The following AKT3 variants were observed in gnomAD, a reference collection of about 807,000 sequenced individuals.
The protein encoded by AKT3 is RAC-gamma serine/threonine-protein kinase.
A neutral mutation model predicts 65.3 loss-of-function variants in AKT3; 15 were observed. The ratio of observed to expected loss-of-function variants is 0.23; its 90% CI spans 0.15 to 0.35. AKT3 has a LOEUF of 0.35. AKT3 is among the 10% of genes least tolerant of loss of function. The pLI, the probability that AKT3 is intolerant of heterozygous loss-of-function variation, is 1.00. For synonymous variants in AKT3, 206 were observed against 183.8 expected, an observed-to-expected ratio of 1.12 and a Z score of -0.98; for missense variants, 243 against 576.5, an observed-to-expected ratio of 0.42 and a Z score of 5.92.
chr1:243,532,543 C>T (rs1451090353), intron 12 of AKT3, among the ~76,000 whole-genome samples: 3 of 152,116 alleles, frequency 2.0e-5, no homozygotes, highest in Non-Finnish European at 2.9e-5. Flanking sequence ...AATTATACTG[C>T]TGAATGGTTT....
intron 4 of AKT3, 116 bp from the exon 5 acceptor site, chr1:243,646,153 C>A: frequency 1.2e-6 from 1 of 860,456 alleles, no homozygotes. Flanking sequence ...CAAACACACT[C>A]AACACAGATA....
In AKT3 at chr1:243,649,378, G is replaced by GTA. The variant is rs1177166699; in HGVS notation, c.285-3343_285-3342dup. Among the ~76,000 whole-genome samples the GTA allele has an allele frequency of 9.8e-3, 1,466 of 149,562 alleles. 23 individuals carry two copies. The highest frequency in any genetic ancestry group is 0.035 in the African/African-American group (1,392 of 40,286). ...GTGTGTATGTTGGGTGTGTGTGTGTGTATATATATATGTTATGTGTATATA... is the reference window on the plus strand; with the variant it reads ...GTGTGTATGTTGGGTGTGTGTGTGTGTATATATATATATGTTATGTGTATATA... On this transcript the variant is annotated intron_variant, in intron 4 of 13. Transcript: ENST00000673466.
chr1:243,723,072 T>C (rs1291950283), intron 2 of AKT3, among the ~76,000 whole-genome samples: 1 of 152,144 alleles, frequency 6.6e-6, no homozygotes, highest in Non-Finnish European at 1.5e-5. Flanking sequence ...TAAACATTTT[T>C]CCCAGCTCAC....
At chr1:243,621,932 C>T (rs1243522236) in intron 6 of AKT3, among the ~76,000 whole-genome samples, 1 of 152,178 alleles carries the variant, frequency 6.6e-6, no homozygotes, top group Non-Finnish European at 1.5e-5. Context: ...GTACAAGCCA[C>T]TATCATCAAT....
chr1:243,536,731 A>G lies in AKT3; in HGVS notation c.1251+8779T>C, dbSNP rs181382555. Among the ~76,000 whole-genome samples the G allele has an allele frequency of 4.4e-4, 67 of 152,278 alleles. 2 individuals are homozygous for G. In the East Asian group the frequency reaches 0.013, roughly 29 times the overall value. On this transcript the variant is annotated intron_variant, in intron 12 of 13. Coordinates refer to ENST00000673466, the MANE Select transcript of AKT3 (RefSeq NM_005465.7). ...TGCCAGAAATAACACTGGTTTTGAC[A>G]GCTGTTTGTGTTTTTATATCCTAAG...
intron 8 of AKT3, among the ~76,000 whole-genome samples, chr1:243,588,064 CATT>C (rs761616022): frequency 7.2e-5 from 11 of 152,160 alleles, no homozygotes; most frequent in Non-Finnish European, 1.6e-4. Context: ...CTTTCTGACA[CATT>C]ATTGAGGAAG....
intron 2 of AKT3, among the ~76,000 whole-genome samples, chr1:243,710,036 A>G (rs1572209115): frequency 6.6e-6 from 1 of 152,168 alleles, no homozygotes; most frequent in African/African-American, 2.4e-5. Context: ...ATTTAGCAAG[A>G]TGCCTTAAAC....
chr1:243,632,612 A>G (rs1679689383), intron 6 of AKT3, among the ~76,000 whole-genome samples: 1 of 152,194 alleles, frequency 6.6e-6, no homozygotes, highest in African/African-American at 2.4e-5. Context: ...TGAGAGAGTC[A>G]ATCTGCCCTT....
intron 2 of AKT3, among the ~76,000 whole-genome samples, chr1:243,778,640 C>G (rs1690708233): frequency 6.6e-6 from 1 of 152,050 alleles, no homozygotes; most frequent in South Asian, 2.1e-4. Flanking sequence ...TGTGTCAAAA[C>G]TAGGTTTAAG....
chr1:243,548,209 A>G (rs1672809372), intron 11 of AKT3: 1 of 152,216 alleles, frequency 6.6e-6, no homozygotes, highest in Non-Finnish European at 1.5e-5. Context: ...TCAAAGCTCC[A>G]TGGCATTTTC....
chr1:243,566,921 A>G (rs570945288), intron 9 of AKT3, among the ~76,000 whole-genome samples: 2 of 152,336 alleles, frequency 1.3e-5, no homozygotes, highest in South Asian at 4.1e-4. Context: ...AACCCCATAA[A>G]ACATTTCTGT....
chr1:243,709,198 T>C (rs1328384880), intron 2 of AKT3, among the ~76,000 whole-genome samples: 1 of 150,496 alleles, frequency 6.6e-6, no homozygotes, highest in Non-Finnish European at 1.5e-5. Flanking sequence ...TATGTCAGAG[T>C]TTTACATACA....
intron 2 of AKT3, among the ~76,000 whole-genome samples, chr1:243,706,977 G>C (rs1685842947): frequency 6.6e-6 from 1 of 152,198 alleles, no homozygotes; most frequent in South Asian, 2.1e-4. Context: ...CTAGCTGTGT[G>C]AGAGACAGTG....
intron 5 of AKT3, among the ~76,000 whole-genome samples, chr1:243,641,106 G>A (rs1680352030): frequency 1.3e-5 from 2 of 151,984 alleles, no homozygotes; most frequent in Admixed American, 1.3e-4. Flanking sequence ...CTGCTGTGCT[G>A]GAGGCTTCCT....
At position 243,583,125 on chromosome 1, in the gene AKT3, T is replaced by C. The variant is rs141090955; in HGVS notation, c.697-10077A>G. Reference sequence around the variant, plus strand: ...ATCTCTCTCTCTCTTCCAGTATGTATATATATTCCATATATATATCTCTCT... The same window carrying C: ...ATCTCTCTCTCTCTTCCAGTATGTACATATATTCCATATATATATCTCTCT... On this transcript the variant is annotated intron_variant, in intron 8 of 13. Coordinates refer to ENST00000673466, the MANE Select transcript of AKT3 (RefSeq NM_005465.7). Among the ~76,000 whole-genome samples the C allele has an allele frequency of 4.7e-3, 698 of 148,296 alleles. 15 individuals are homozygous for C. The highest frequency in any genetic ancestry group is 0.016 in the African/African-American group (664 of 40,318).
At chr1:243,533,429 T>C (rs1179492248) in intron 12 of AKT3, among the ~76,000 whole-genome samples, 1 of 152,208 alleles carries the variant, frequency 6.6e-6, no homozygotes, top group Non-Finnish European at 1.5e-5. Context: ...ATTTATAGAA[T>C]ATTCTACACA....
chr1:243,662,403 G>C (rs1390413963), intron 4 of AKT3, among the ~76,000 whole-genome samples: 1 of 152,040 alleles, frequency 6.6e-6, no homozygotes, highest in African/African-American at 2.4e-5. Flanking sequence ...CATGTCCTTT[G>C]TAGGGACATG....
At chr1:243,829,661 AT>A (rs1379062521) in intron 2 of AKT3, among the ~76,000 whole-genome samples, 32 of 152,216 alleles carry the variant, frequency 2.1e-4, no homozygotes, top group African/African-American at 7.7e-4. Flanking sequence ...GAAATGTAAA[AT>A]AAAACAGCAA....
intron 8 of AKT3, among the ~76,000 whole-genome samples, chr1:243,577,418 A>G (rs972471362): frequency 2.0e-5 from 3 of 152,154 alleles, no homozygotes; most frequent in South Asian, 4.1e-4. Context: ...AAGCGCTGGG[A>G]TTACAGGCAT....
Sources: allele counts gnomAD v4.1 joint callset (sites outside exome capture counted in the v4.1 genomes callset), GRCh38; gene constraint gnomAD v4.1.1; transcripts MANE v1.5; gene names NCBI Gene and HGNC (gene_info 2026-07-23, HGNC 2026-07-21).